The following MYH7B variants were observed in gnomAD, a reference collection of about 807,000 sequenced individuals.
The protein encoded by MYH7B is myosin-7B.
In MYH7B, 205 loss-of-function variants were observed where a neutral mutation model predicts 234.5. The ratio of observed to expected loss-of-function variants is 0.87; its 90% CI spans 0.78 to 0.98. MYH7B has a LOEUF of 0.98. Ranked by LOEUF, MYH7B falls within the 50% of genes least tolerant of loss-of-function variation. MYH7B has a pLI of 0.00. For synonymous variants in MYH7B, 1,193 were observed against 1,105.0 expected, an observed-to-expected ratio of 1.08 and a Z score of -1.58; for missense variants, 2,652 against 2,633.4, an observed-to-expected ratio of 1.01 and a Z score of -0.15.
chr20:34,989,748 C>T (rs1029608302), exon 20 of MYH7B: 2 of 1,613,660 alleles, frequency 1.2e-6, no homozygotes, highest in Non-Finnish European at 8.5e-7. Flanking sequence ...AGCCACTGGG[C>T]ATCCTGTCCA....
At chr20:34,969,614 G>T (rs780529929) in intron 2 of MYH7B, among the ~76,000 whole-genome samples, 2 of 142,946 alleles carry the variant, frequency 1.4e-5, no homozygotes, top group Non-Finnish European at 3.0e-5. Context: ...GCACGATCCC[G>T]GCTCACTGCA....
chr20:34,962,168 A>G (rs1265479657), intron 2 of MYH7B, among the ~76,000 whole-genome samples: 1 of 152,200 alleles, frequency 6.6e-6, no homozygotes, highest in Non-Finnish European at 1.5e-5. Flanking sequence ...TCAAGGCTGC[A>G]GGGACCTATG....
rs776497215 is a variant in MYH7B, at chr20:34,999,422, G to A, written c.4540+17G>A. On this transcript the variant is annotated intron_variant, in intron 36 of 44. Coordinates refer to ENST00000262873, the Ensembl canonical transcript of MYH7B. ...ACCTGCAGGGTAGGACCTGCCACAC[G>A]CCAGGGCCAGGGTGCTGCCCTGGGG... is the stretch of plus-strand genomic sequence containing the variant. 1.5e-5 allele frequency: 23 copies of A among 1,507,356 alleles called. No homozygotes were observed. The highest frequency in any genetic ancestry group is 2.3e-5 in the East Asian group (1 of 42,894). 93.4% of individuals were successfully genotyped at this position (1,507,356 alleles called of 1,614,324 possible).
rs770589588 is a variant in MYH7B, at chr20:34,987,206, G to A, written c.1066G>A (p.Val356Met). Reference sequence around the variant, plus strand: ...TGAGAAATGTGCCTGCTATAAGATCGTGGGCGCCCTCCTGCACTTTGGCAA... The same window carrying A: ...TGAGAAATGTGCCTGCTATAAGATCATGGGCGCCCTCCTGCACTTTGGCAA... Residue 356 changes from valine (V) to methionine (M), a missense_variant, in exon 16 of 45, where the codon GTG becomes ATG. Val to Met is a conservative substitution (Grantham distance 21). This residue lies in a region of MYH7B where 2,279 missense variants were observed against 2,211.4 expected (regional missense o/e 1.03). Coordinates refer to ENST00000262873, the Ensembl canonical transcript of MYH7B. The A allele has an allele frequency of 1.6e-5, 26 of 1,612,566 alleles. No individual in the cohort carries two copies. Among genetic ancestry groups the A allele is most frequent in the Admixed American group, 6.7e-5 (4 of 59,994 alleles).
chr20:35,001,229 G>C lies in MYH7B; in HGVS notation c.5476-16G>C. 6.2e-7 allele frequency: 1 copy of C among 1,607,784 alleles called. No individual in the cohort carries two copies. Among genetic ancestry groups the C allele is most frequent in the East Asian group, 2.2e-5 (1 of 44,720 alleles). ...CCAGGGGTGGGCTTGGCATCAGGCT[G>C]TCCCCCTGCCTGCAGGTACGGGAGC... is the stretch of plus-strand genomic sequence containing the variant. On this transcript the variant is annotated splice_polypyrimidine_tract_variant and intron_variant, in intron 41 of 44. Coordinates refer to ENST00000262873, the Ensembl canonical transcript of MYH7B.
intron 28 of MYH7B, 71 bp from the exon 29 acceptor site, chr20:34,996,275 C>T: frequency 4.0e-6 from 6 of 1,510,574 alleles, no homozygotes; most frequent in Non-Finnish European, 5.3e-6. Context: ...CTTGCTCTGA[C>T]CTGGTGTGGT....
rs2147232430 is a variant in MYH7B at position 34,997,397 on chromosome 20, CGAGGGCTGCCGCAAGCGG to C, written c.3509_3526del (p.Gly1170_Glu1175del). ...CAGGCGGCGCATCCGCGGGGCAGCGCGAGGGCTGCCGCAAGCGGGAGGCGGAGCTGGGGAGGCTGCGGC... is the reference window on the plus strand; with the variant it reads ...CAGGCGGCGCATCCGCGGGGCAGCGCGAGGCGGAGCTGGGGAGGCTGCGGC... On this transcript the variant is annotated inframe_deletion, in exon 32 of 45. Coordinates refer to ENST00000262873, the Ensembl canonical transcript of MYH7B. The C allele has an allele frequency of 8.8e-6, 13 of 1,484,920 alleles. 1 individual carries two copies. Among genetic ancestry groups the C allele is most frequent in the African/African-American group, 1.5e-5 (1 of 67,890 alleles). 92.0% of individuals were successfully genotyped at this position (1,484,920 alleles called of 1,614,324 possible).
At position 34,983,283 on chromosome 20, in the gene MYH7B, C is replaced by T. The variant is rs867550533; in HGVS notation, c.624+728C>T. 6.2e-3 allele frequency among the ~76,000 whole-genome samples: 720 copies of T among 115,482 alleles called. 5 individuals are homozygous for T. Among genetic ancestry groups the T allele is most frequent in the African/African-American group, 0.026 (694 of 26,508 alleles). 75.8% of individuals were successfully genotyped at this position (115,482 alleles called of 152,430 possible). Reference sequence around the variant, plus strand: ...TTTCTTTTCTCTTTCTTTTTTCTTTCTTTTCTTTTCTTTTCTTTTTTTTTT... The same window carrying T: ...TTTCTTTTCTCTTTCTTTTTTCTTTTTTTTCTTTTCTTTTCTTTTTTTTTT... On this transcript the variant is annotated intron_variant, in intron 10 of 44. Transcript: ENST00000262873.
At chr20:34,994,263 G>A (rs1347512647) in exon 27 of MYH7B, 2 of 1,612,898 alleles carry the variant, frequency 1.2e-6, no homozygotes, top group African/African-American at 1.3e-5. Flanking sequence ...AGGCTGAGGA[G>A]GAGCTGGCGG....
rs374403364 is a variant in MYH7B at position 34,990,291 on chromosome 20, C to T, written c.1958C>T (p.Thr653Met). 13 of 1,614,080 alleles carry T rather than the reference C, an allele frequency of 8.1e-6. No homozygotes were observed. Among genetic ancestry groups the T allele is most frequent in the African/African-American group, 1.3e-5 (1 of 74,936 alleles). Residue 653 changes from threonine (T) to methionine (M), a missense_variant, in exon 22 of 45, where the codon ACG becomes ATG. Thr to Met is a moderately conservative substitution (Grantham distance 81). Coordinates refer to ENST00000262873, the Ensembl canonical transcript of MYH7B. ...CGTAAGAAGGCAGCATCGTTCCAGA[C>T]GGTGTCCCAGCTGCACAAGGTAAGG...
intron 28 of MYH7B, among the ~76,000 whole-genome samples, chr20:34,995,823 G>T (rs963965208): frequency 6.6e-6 from 1 of 152,264 alleles, no homozygotes; most frequent in Non-Finnish European, 1.5e-5. Flanking sequence ...CTTGCACACG[G>T]TAGGTGTTTA....
At chr20:34,986,020 C>T in intron 13 of MYH7B, 80 bp from the exon 14 acceptor site, 2 of 1,255,510 alleles carry the variant, frequency 1.6e-6, no homozygotes, top group Non-Finnish European at 2.3e-6. Flanking sequence ...CTGCCCACCT[C>T]TCTCCCTCCG....
At chr20:34,987,234 T>C in exon 16 of MYH7B, 1 of 1,612,010 alleles carries the variant, frequency 6.2e-7, no homozygotes, top group Non-Finnish European at 8.5e-7. Context: ...TTTGGCAACA[T>C]GAAGTTCAAG....
chr20:34,995,016 G>A (rs1291737229), intron 27 of MYH7B, among the ~76,000 whole-genome samples: 1 of 152,236 alleles, frequency 6.6e-6, no homozygotes, highest in Non-Finnish European at 1.5e-5. Context: ...CTGTGCAGAG[G>A]CTGCTGCTGC....
At chr20:34,976,968 G>A (rs58891272) in intron 3 of MYH7B, among the ~76,000 whole-genome samples, 6,673 of 152,212 alleles carry the variant, frequency 0.044, 488 homozygotes, top group African/African-American at 0.15. Flanking sequence ...GGAGGCAGGC[G>A]ATGCCCTATA....
intron 37 of MYH7B, 21 bp downstream of exon 37, chr20:34,999,716 G>A (rs768502497): frequency 2.9e-5 from 47 of 1,612,094 alleles, no homozygotes; most frequent in Non-Finnish European, 3.5e-5. Flanking sequence ...GGCTGCAGGG[G>A]TGGGTGGACA....
At chr20:35,001,608 C>T (rs777632987) in intron 43 of MYH7B, 82 bp downstream of exon 43, 20 of 1,222,894 alleles carry the variant, frequency 1.6e-5, no homozygotes, top group Non-Finnish European at 2.3e-5. Context: ...GCATCAGCAG[C>T]AGCTCCACCC....
rs531683900 is a variant in MYH7B at position 34,973,763 on chromosome 20, T to G, written c.-221-1637T>G. Among the ~76,000 whole-genome samples, 106 of 152,254 alleles carry G rather than the reference T, an allele frequency of 7.0e-4. 1 individual carries two copies. The highest frequency in any genetic ancestry group is 2.4e-3 in the African/African-American group (101 of 41,542). Reference sequence around the variant, plus strand: ...AGGACAGCTCTTCAAGTTTTTTTGATTTTTTGTTTTTTGAGAGGGAGTCTT... The same window carrying G: ...AGGACAGCTCTTCAAGTTTTTTTGAGTTTTTGTTTTTTGAGAGGGAGTCTT... On this transcript the variant is annotated intron_variant, in intron 2 of 44. Transcript: ENST00000262873.
chr20:35,001,141 C>T lies in MYH7B; in HGVS notation c.5458C>T (p.Gln1820Ter). ...CCTCCGTGGCGGGAAGAAGCAGGTG[C>T]AGAAGCTGGAGGCCAAGGTGTGTGC... is the stretch of plus-strand genomic sequence containing the variant. The change falls in exon 41 of 45, where the codon CAG (glutamine) becomes TAG (stop). Residue 1820 changes from glutamine (Q) to a stop codon, truncating the protein, a stop_gained. Transcript: ENST00000262873. LOFTEE classifies it high-confidence loss of function. 1 of 1,613,648 alleles carries T rather than the reference C, an allele frequency of 6.2e-7. No homozygotes were observed. The highest frequency in any genetic ancestry group is 8.5e-7 in the Non-Finnish European group (1 of 1,179,850).
Sources: allele counts gnomAD v4.1 joint callset (sites outside exome capture counted in the v4.1 genomes callset), GRCh38; gene constraint gnomAD v4.1.1; regional missense constraint gnomAD v4.1.1; transcripts MANE v1.5; gene names NCBI Gene and HGNC (gene_info 2026-07-23, HGNC 2026-07-21).